The following NEDD9 variants were observed in gnomAD, a reference collection of about 807,000 sequenced individuals.
NEDD9 encodes the protein neural precursor cell expressed, developmentally down-regulated 9.
In NEDD9, 26 loss-of-function variants were observed where a neutral mutation model predicts 76.6. The observed-to-expected ratio is 0.34, with a 90% CI of 0.25 to 0.47. The LOEUF is 0.47. Among genes scored for constraint, NEDD9 ranks in the 20% least tolerant of loss-of-function variants. NEDD9 has a pLI of 1.00. For synonymous variants in NEDD9, 392 were observed against 414.2 expected (o/e 0.95, Z 0.65); for missense variants, 937 against 1,058.5 (o/e 0.89, Z 1.59).
At chr6:11,227,751 A>G (rs1402975191) in intron 1 of NEDD9, among the ~76,000 whole-genome samples, 1 of 152,158 alleles carries the variant, frequency 6.6e-6, no homozygotes, top group Non-Finnish European at 1.5e-5. Context: ...TCCTTTAGAT[A>G]ACGATTTGAT....
chr6:11,250,123 A>G (rs1035452763), intron 3 of NEDD9, among the ~76,000 whole-genome samples: 2 of 152,230 alleles, frequency 1.3e-5, no homozygotes, highest in East Asian at 1.9e-4. Context: ...CAGGAGCACA[A>G]GTTCCAGAAA....
rs555537942 is a variant in NEDD9 at position 11,370,119 on chromosome 6, G to A, written c.-214+12020C>T. Reference sequence around the variant, plus strand: ...GGTATATAAAGAGTCTTTTCCCTAAGGAACATTTCGTTTAATGATGAAATA... The same window carrying A: ...GGTATATAAAGAGTCTTTTCCCTAAAGAACATTTCGTTTAATGATGAAATA... On this transcript the variant is annotated intron_variant, in intron 1 of 3. Transcript: ENST00000397378. The surrounding 1 kb of genome is among the most constrained non-coding windows in gnomAD (Gnocchi z 4.2). 1.3e-5 allele frequency among the ~76,000 whole-genome samples: 2 copies of A among 152,264 alleles called. No individual in the cohort carries two copies. The highest frequency in any genetic ancestry group is 4.1e-4 in the South Asian group (2 of 4,820).
At chr6:11,366,071 G>A (rs368754717) in intron 1 of NEDD9, among the ~76,000 whole-genome samples, 2 of 152,142 alleles carry the variant, frequency 1.3e-5, no homozygotes, top group Non-Finnish European at 2.9e-5. Flanking sequence ...AGATCATGAG[G>A]TCAGGAGTTT....
At position 11,343,386 on chromosome 6, in the gene NEDD9, G is replaced by A. The variant is rs912379322; in HGVS notation, c.-213-8825C>T. Among the ~76,000 whole-genome samples, 16 of 151,510 alleles carry A rather than the reference G, an allele frequency of 1.1e-4. No homozygotes were observed. In the South Asian group the frequency reaches 1.3e-3, roughly 12 times the overall value. Reference sequence around the variant, plus strand: ...AGAGGTTGCAGTGAGTGGAGATGGCGCCACTGCACTCTAGCCTGGGCAACA... The same window carrying A: ...AGAGGTTGCAGTGAGTGGAGATGGCACCACTGCACTCTAGCCTGGGCAACA... On this transcript the variant is annotated intron_variant, in intron 1 of 3. Transcript: ENST00000397378.
chr6:11,234,339 C>G (rs528695412), upstream of NEDD9, among the ~76,000 whole-genome samples: 2 of 152,346 alleles, frequency 1.3e-5, no homozygotes, highest in South Asian at 4.1e-4. Context: ...CAAAGCCCTT[C>G]CCATCTGTAA....
chr6:11,258,163 A>G (rs1760041736), intron 3 of NEDD9, among the ~76,000 whole-genome samples: 1 of 152,202 alleles, frequency 6.6e-6, no homozygotes, highest in African/African-American at 2.4e-5. Context: ...ACAGCATCCC[A>G]TAGCATACTT....
intron 3 of NEDD9, among the ~76,000 whole-genome samples, chr6:11,255,426 G>A (rs1173188445): frequency 6.6e-6 from 1 of 152,218 alleles, no homozygotes; most frequent in Non-Finnish European, 1.5e-5. Context: ...GGTGTATGAG[G>A]CATGATCTGG....
intron 1 of NEDD9, chr6:11,214,273 G>A: frequency 2.0e-6 from 1 of 497,586 alleles, no homozygotes; most frequent in East Asian, 5.5e-5. Context: ...CTTGTTCTCA[G>A]ATGACAGGAG....
rs1757936958 is a variant in NEDD9, at chr6:11,184,937, T to C, written c.*225A>G. On this transcript the variant is annotated 3_prime_UTR_variant, in exon 7 of 7. Coordinates refer to ENST00000379446, the MANE Select transcript of NEDD9 (RefSeq NM_006403.4). ...GGACAAGTTTTCTGTACAGTTTATG[T>C]CTCAGATACTTCTATGTATACATAA... The C allele has an allele frequency of 2.1e-6, 1 of 480,366 alleles. No individual in the cohort carries two copies. Among genetic ancestry groups the C allele is most frequent in the Non-Finnish European group, 3.6e-6 (1 of 280,120 alleles). The allele number at this position is 480,366 out of a possible 1,614,324, so 29.8% of individuals were successfully genotyped here. A position where few individuals can be genotyped will look rare whatever the true frequency, so the allele number is the denominator to read the frequency against.
chr6:11,287,065 A>G (rs1019525549), intron 3 of NEDD9, among the ~76,000 whole-genome samples: 1 of 152,218 alleles, frequency 6.6e-6, no homozygotes, highest in African/African-American at 2.4e-5. Context: ...ATTACAGATT[A>G]AAATAATTTA....
intron 2 of NEDD9, among the ~76,000 whole-genome samples, chr6:11,307,654 A>G (rs1329229828): frequency 1.3e-5 from 2 of 152,160 alleles, no homozygotes; most frequent in Admixed American, 1.3e-4. Flanking sequence ...ATATACACAC[A>G]CACATGTCAT....
intron 1 of NEDD9, among the ~76,000 whole-genome samples, chr6:11,381,238 G>A (rs76397918): frequency 0.012 from 1,892 of 152,342 alleles, 40 homozygotes; most frequent in African/African-American, 0.043. Flanking sequence ...CCCATGCTGG[G>A]TGGGAAACCA....
At chr6:11,187,187 T>C (rs1261802930) in intron 6 of NEDD9, among the ~76,000 whole-genome samples, 1 of 152,346 alleles carries the variant, frequency 6.6e-6, no homozygotes, top group East Asian at 1.9e-4. Context: ...GGAGGTTACC[T>C]GACTTGACAT....
intron 2 of NEDD9, among the ~76,000 whole-genome samples, chr6:11,306,614 T>C (rs931064284): frequency 5.9e-5 from 9 of 152,124 alleles, no homozygotes; most frequent in African/African-American, 9.7e-5. Flanking sequence ...TCATTGATTG[T>C]TTTCTACTCT....
chr6:11,244,789 G>T (rs1336104939), intron 3 of NEDD9, among the ~76,000 whole-genome samples: 3 of 152,180 alleles, frequency 2.0e-5, no homozygotes, highest in African/African-American at 7.2e-5. Context: ...AAGAGAGAAT[G>T]AGTCCATGTG....
chr6:11,296,674 CCTTTCCCTTCCTTCCTTCCTT>C (rs1760899240), intron 3 of NEDD9, among the ~76,000 whole-genome samples: 1 of 88,296 alleles, frequency 1.1e-5, no homozygotes, highest in African/African-American at 5.2e-5. Flanking sequence ...CCTTTCCTTT[CCTTTCCCTTCCTTCCTTCCTT>C]CCTTCCTTCC....
chr6:11,280,342 C>A (rs1484756676), intron 3 of NEDD9, among the ~76,000 whole-genome samples: 1 of 152,174 alleles, frequency 6.6e-6, no homozygotes, highest in East Asian at 1.9e-4. Flanking sequence ...GGTGTGTGGG[C>A]TGTTGTCCTC....
Position 11,284,242 on chromosome 6 carries a change from T to C in NEDD9, c.12+21750A>G, listed in dbSNP as rs1202662407. Among the ~76,000 whole-genome samples the C allele has an allele frequency of 2.0e-5, 3 of 151,750 alleles. No homozygotes were observed. In the East Asian group the frequency reaches 5.8e-4, roughly 29 times the overall value. On this transcript the variant is annotated intron_variant, in intron 3 of 3. Coordinates refer to the NEDD9 transcript ENST00000397378. ...AAGAATGGAATGTTCCTGTTCAGGGTCAGGCCTTTTAAGAGCAAACCTACT... is the reference window on the plus strand; with the variant it reads ...AAGAATGGAATGTTCCTGTTCAGGGCCAGGCCTTTTAAGAGCAAACCTACT...
intron 3 of NEDD9, among the ~76,000 whole-genome samples, chr6:11,248,342 A>G (rs915168505): frequency 1.2e-4 from 19 of 152,132 alleles, no homozygotes; most frequent in African/African-American, 4.6e-4. Context: ...TAGTAATCCT[A>G]CATATGGAAC....
Sources: allele counts gnomAD v4.1 joint callset (sites outside exome capture counted in the v4.1 genomes callset), GRCh38; gene constraint gnomAD v4.1.1; non-coding constraint Gnocchi (gnomAD v3.1); transcripts MANE v1.5; gene names NCBI Gene and HGNC (gene_info 2026-07-23, HGNC 2026-07-21).